Variants in GPX1 observed in about 807,000 individuals in gnomAD.
GPX1 encodes glutathione peroxidase 1.
In GPX1, 8 loss-of-function variants were observed where a neutral mutation model predicts 11.5. The observed-to-expected ratio is 0.70, with a 90% CI of 0.41 to 1.25. The LOEUF (loss-of-function observed/expected upper bound fraction) is 1.25. Among genes scored for constraint, GPX1 ranks in the 50% most tolerant of loss-of-function variants. The probability of loss-of-function intolerance (pLI) is 0.01; values close to 1 mark genes in which losing one functional copy is unlikely to be tolerated. For missense variants in GPX1, 266 were observed against 284.3 expected, an observed-to-expected ratio of 0.94 and a Z score of 0.46; for synonymous variants, 142 against 127.8, an observed-to-expected ratio of 1.11 and a Z score of -0.75.
rs1226820103 is a variant in GPX1 at position 49,357,542 on chromosome 3, G to A, written c.458C>T (p.Ser153Phe). 8 of 1,613,472 alleles carry A rather than the reference G, an allele frequency of 5.0e-6. No homozygotes were observed. In the Admixed American group the frequency reaches 5.0e-5, roughly 10 times the overall value. The change falls in exon 2 of 2, where the codon TCT (serine) becomes TTT (phenylalanine). Residue 153 changes from serine to phenylalanine, a missense_variant. Physicochemically the swap from Ser to Phe is radical, Grantham distance 155. Transcript: ENST00000419783. Reference sequence around the variant, plus strand: ...GGCAACATCGTTGCGACACACCGGAGACCAGGTGATGAGCTTGGGGTCGGT... The same window carrying A: ...GGCAACATCGTTGCGACACACCGGAAACCAGGTGATGAGCTTGGGGTCGGT... ...LMTDPKLITWSPVCRNDVAWN... is the reference protein window; with the variant it reads ...LMTDPKLITWFPVCRNDVAWN...
chr3:49,357,816 G>A, intron 1 of GPX1, 69 bp from the exon 2 acceptor site: 12 of 1,540,192 alleles, frequency 7.8e-6, no homozygotes, highest in Non-Finnish European at 1.0e-5. Flanking sequence ...CCACAAACAA[G>A]GGAGATTTTC....
In GPX1 at chr3:49,357,290, TCCTC is replaced by T; in HGVS notation, c.*94_*97del. ...TGGTATTTTCTGTAAGATCAGGTGT[TCCTC>T]CCTCGTAGGTTTAGAGGAAACACCC... On this transcript the variant is annotated 3_prime_UTR_variant, in exon 2 of 2. Transcript: ENST00000419783. 1 of 1,171,572 alleles carries T rather than the reference TCCTC, an allele frequency of 8.5e-7. No individual in the cohort carries two copies. Among genetic ancestry groups the T allele is most frequent in the South Asian group, 1.4e-5 (1 of 69,920 alleles). The allele number at this position is 1,171,572 out of a possible 1,614,324, so 72.6% of individuals were successfully genotyped here.
Position 49,357,410 on chromosome 3 carries a change from G to A in GPX1, c.590C>T (p.Ser197Phe), listed in dbSNP as rs762396532. ...DIEPDIEALLSQGPSCA is the reference protein window; with the variant it reads ...DIEPDIEALLFQGPSCA Reference sequence around the variant, plus strand: ...GCCCTAGGCACAGCTGGGCCCTTGAGACAGCAGGGCTTCGATGTCAGGCTC... The same window carrying A: ...GCCCTAGGCACAGCTGGGCCCTTGAAACAGCAGGGCTTCGATGTCAGGCTC... The change falls in exon 2 of 2, where the codon TCT becomes TTT. Residue 197 changes from serine to phenylalanine, a missense_variant. By Grantham distance (155) the Ser-to-Phe change is radical. Coordinates refer to ENST00000419783, the MANE Select transcript of GPX1 (RefSeq NM_000581.4). The A allele has an allele frequency of 3.1e-6, 5 of 1,611,022 alleles. No individual in the cohort carries two copies. Among genetic ancestry groups the A allele is most frequent in the African/African-American group, 2.7e-5 (2 of 74,840 alleles).
chr3:49,357,794 G>C (rs777132027), intron 1 of GPX1, 47 bp from the exon 2 acceptor site: 3 of 1,566,706 alleles, frequency 1.9e-6, no homozygotes, highest in Non-Finnish European at 1.7e-6. Flanking sequence ...GAGGAGGAGA[G>C]AAACGTTCTA....
chr3:49,358,263 G>C lies in GPX1; in HGVS notation c.16C>G (p.Leu6Val). ...TGGGCCGCCGCCGCCGCCGCCGCTA[G>C]CCGAGCAGCACACATGGCGCAATTG... MCAARLAAAAAAAQSV... is the reference protein window; with the variant it reads MCAARVAAAAAAAQSV... The change falls in exon 1 of 2, where the codon CTA (leucine) becomes GTA (valine). Residue 6 changes from leucine to valine, a missense_variant. Leu to Val is a conservative substitution (Grantham distance 32). Transcript: ENST00000419783. The C allele has an allele frequency of 6.5e-7, 1 of 1,541,556 alleles. No individual in the cohort carries two copies. Among genetic ancestry groups the C allele is most frequent in the Non-Finnish European group, 8.7e-7 (1 of 1,143,096 alleles).
chr3:49,357,905 G>A, intron 1 of GPX1, 122 bp downstream of exon 1: 6 of 1,504,868 alleles, frequency 4.0e-6, no homozygotes, highest in South Asian at 3.9e-5. Flanking sequence ...GCAACAGAAA[G>A]GAAACGAGAG....
At position 49,357,698 on chromosome 3, in the gene GPX1, G is replaced by T. The variant is rs746367588; in HGVS notation, c.302C>A (p.Pro101His). 6.2e-7 allele frequency: 1 copy of T among 1,612,122 alleles called. No individual in the cohort carries two copies. Among genetic ancestry groups the T allele is most frequent in the Non-Finnish European group, 8.5e-7 (1 of 1,178,898 alleles). Residue 101 changes from proline (P) to histidine (H), a missense_variant, in exon 2 of 2, where the codon CCT becomes CAT. Physicochemically the swap from Pro to His is moderately conservative, Grantham distance 77 (BLOSUM62 -2). Transcript: ENST00000419783. ...GAAGTTGGGCTCGAACCCACCACCA[G>T]GCCGGACGTACTTGAGGGAATTCAG... ...EILNSLKYVR[P>H]GGGFEPNFML... is the part of the protein sequence containing the mutation.
Position 49,357,561 on chromosome 3 carries a change from G to A in GPX1, c.439C>T (p.Pro147Ser), listed in dbSNP as rs2047862868. 6.2e-7 allele frequency: 1 copy of A among 1,613,180 alleles called. No homozygotes were observed. The highest frequency in any genetic ancestry group is 8.5e-7 in the Non-Finnish European group (1 of 1,179,868). Reference protein sequence around the residue: ...SDDATALMTDPKLITWSPVCR... With the variant: ...SDDATALMTDSKLITWSPVCR... ...ACCGGAGACCAGGTGATGAGCTTGG[G>A]GTCGGTCATAAGCGCGGTGGCGTCG... is the stretch of plus-strand genomic sequence containing the variant. Residue 147 changes from proline to serine, a missense_variant, in exon 2 of 2, where the codon CCC becomes TCC. Pro to Ser is a moderately conservative substitution (Grantham distance 74). Coordinates refer to ENST00000419783, the MANE Select transcript of GPX1 (RefSeq NM_000581.4).
In GPX1 at chr3:49,357,564, C is replaced by T; in HGVS notation, c.436G>A (p.Asp146Asn). 1.9e-6 allele frequency: 3 copies of T among 1,613,262 alleles called. No individual in the cohort carries two copies. The highest frequency in any genetic ancestry group is 2.2e-5 in the South Asian group (2 of 91,010). Reference protein sequence around the residue: ...PSDDATALMTDPKLITWSPVC... With the variant: ...PSDDATALMTNPKLITWSPVC... ...GGAGACCAGGTGATGAGCTTGGGGT[C>T]GGTCATAAGCGCGGTGGCGTCGTCG... The change falls in exon 2 of 2, where the codon GAC becomes AAC. Residue 146 changes from aspartate to asparagine, a missense_variant. By Grantham distance (23) the Asp-to-Asn change is conservative. Transcript: ENST00000419783.
Position 49,357,733 on chromosome 3 carries a change from G to C in GPX1, c.267C>G (p.Asn89Lys). Residue 89 changes from asparagine (N) to lysine (K), a missense_variant, in exon 2 of 2, where the codon AAC (asparagine) becomes AAG (lysine). By Grantham distance (94) the Asn-to-Lys change is moderately conservative. Coordinates refer to ENST00000419783, the MANE Select transcript of GPX1 (RefSeq NM_000581.4). ...NQFGHQENAK[N>K]EEILNSLKYV... Reference sequence around the variant, plus strand: ...ACTTGAGGGAATTCAGAATCTCTTCGTTCTTGGCGTTCTCCTACAGGAGAG... The same window carrying C: ...ACTTGAGGGAATTCAGAATCTCTTCCTTCTTGGCGTTCTCCTACAGGAGAG... 3.7e-6 allele frequency: 6 copies of C among 1,605,778 alleles called. No individual in the cohort carries two copies. The highest frequency in any genetic ancestry group is 5.1e-6 in the Non-Finnish European group (6 of 1,173,918).
rs904920934 is a variant in GPX1 at position 49,358,116 on chromosome 3, C to T, written c.163G>A (p.Asp55Asn). ...TGCAGCTCGTTCATCTGGGTGTAGTCCCGGACCGTGGTGCCTCAGAGGGAC... is the reference window on the plus strand; with the variant it reads ...TGCAGCTCGTTCATCTGGGTGTAGTTCCGGACCGTGGTGCCTCAGAGGGAC... ...VASLUGTTVR[D>N]YTQMNELQRR... is the part of the protein sequence containing the mutation. Residue 55 changes from aspartate (D) to asparagine (N), a missense_variant, in exon 1 of 2, where the codon GAC (aspartate) becomes AAC (asparagine). Physicochemically the swap from Asp to Asn is conservative, Grantham distance 23. Transcript: ENST00000419783. 7 of 1,610,620 alleles carry T rather than the reference C, an allele frequency of 4.3e-6. No homozygotes were observed. Among genetic ancestry groups the T allele is most frequent in the African/African-American group, 1.3e-5 (1 of 74,826 alleles).
rs2047866837 is a variant in GPX1, at chr3:49,357,699, G to A, written c.301C>T (p.Pro101Ser). The part of the protein sequence containing the change: ...EILNSLKYVR[P>S]GGGFEPNFML... The stretch of plus-strand genomic sequence containing the variant: ...AAGTTGGGCTCGAACCCACCACCAG[G>A]CCGGACGTACTTGAGGGAATTCAGA... Residue 101 changes from proline (P) to serine (S), a missense_variant, in exon 2 of 2, where the codon CCT (proline) becomes TCT (serine). Physicochemically the swap from Pro to Ser is moderately conservative, Grantham distance 74 (BLOSUM62 -1). Transcript: ENST00000419783. The A allele has an allele frequency of 1.9e-6, 3 of 1,612,088 alleles. No individual in the cohort carries two copies. The Admixed American group carries it at 5.0e-5, about 27-fold the overall frequency.
At chr3:49,357,953 C>T (rs777122604) in intron 1 of GPX1, 74 bp downstream of exon 1, 1 of 1,530,396 alleles carries the variant, frequency 6.5e-7, no homozygotes, top group South Asian at 1.2e-5. Context: ...CGACGGCACC[C>T]ACCAGCACAC....
At chr3:49,357,971 G>GC in intron 1 of GPX1, 56 bp downstream of exon 1, 2 of 1,466,312 alleles carry the variant, frequency 1.4e-6, no homozygotes, top group Non-Finnish European at 1.9e-6. Context: ...CACCGCCGGC[G>GC]CCCCCAGCCA....
intron 1 of GPX1, 24 bp downstream of exon 1, chr3:49,358,003 C>T (rs1489434731): frequency 1.9e-6 from 3 of 1,595,934 alleles, no homozygotes; most frequent in East Asian, 2.2e-5. Flanking sequence ...CCGCCCCCGC[C>T]CCGCCCCGCT....
In GPX1 at chr3:49,357,547, G is replaced by A. The variant is rs752926056; in HGVS notation, c.453C>T (p.Thr151=). 1.4e-5 allele frequency: 22 copies of A among 1,613,412 alleles called. No homozygotes were observed. The highest frequency in any genetic ancestry group is 1.7e-6 in the Non-Finnish European group (2 of 1,179,882). Residue 151 remains threonine, a synonymous_variant, in exon 2 of 2, where the codon ACC becomes ACT. Transcript: ENST00000419783. ...CATCGTTGCGACACACCGGAGACCA[G>A]GTGATGAGCTTGGGGTCGGTCATAA... ...TALMTDPKLI[T]WSPVCRNDVA... is the part of the protein sequence containing the mutation.
At chr3:49,357,981 A>T in intron 1 of GPX1, 46 bp downstream of exon 1, 1 of 1,506,926 alleles carries the variant, frequency 6.6e-7, no homozygotes, top group East Asian at 2.3e-5. Flanking sequence ...GCCCCCAGCC[A>T]CTACTGCACG....
chr3:49,357,594 G>A lies in GPX1; in HGVS notation c.406C>T (p.Pro136Ser), dbSNP rs1328559144. ...ATAAGCGCGGTGGCGTCGTCGCTGG[G>A]AGCTGGCAGGGCCTCCCGCAGGAAG... ...FAFLREALPAPSDDATALMTD... is the reference protein window; with the variant it reads ...FAFLREALPASSDDATALMTD... The change falls in exon 2 of 2, where the codon CCC (proline) becomes TCC (serine). Residue 136 changes from proline (P) to serine (S), a missense_variant. Pro to Ser is a moderately conservative substitution (Grantham distance 74). Transcript: ENST00000419783. The A allele has an allele frequency of 6.2e-7, 1 of 1,613,188 alleles. No homozygotes were observed. The highest frequency in any genetic ancestry group is 1.1e-5 in the South Asian group (1 of 91,044).
chr3:49,357,233 T>C lies in GPX1; in HGVS notation c.*155A>G. 1 of 726,298 alleles carries C rather than the reference T, an allele frequency of 1.4e-6. No individual in the cohort carries two copies. The highest frequency in any genetic ancestry group is 2.2e-6 in the Non-Finnish European group (1 of 444,626). 45.0% of individuals were successfully genotyped at this position (726,298 alleles called of 1,614,324 possible). ...AAACTCGCCTTGGTCTGGCAGAGACTGGGATCAACAGGACCAGCACCCATC... is the reference window on the plus strand; with the variant it reads ...AAACTCGCCTTGGTCTGGCAGAGACCGGGATCAACAGGACCAGCACCCATC... On this transcript the variant is annotated 3_prime_UTR_variant, in exon 2 of 2. Coordinates refer to ENST00000419783, the MANE Select transcript of GPX1 (RefSeq NM_000581.4).
Sources: allele counts gnomAD v4.1 joint callset, GRCh38; gene constraint gnomAD v4.1.1; transcripts MANE v1.5; gene names NCBI Gene and HGNC (gene_info 2026-07-23, HGNC 2026-07-21).